The following CYTH3 variants were observed in gnomAD, a reference collection of about 807,000 sequenced individuals.
The protein encoded by CYTH3 is cytohesin 3.
In CYTH3, 23 loss-of-function variants were observed where a neutral mutation model predicts 55.1. That is an observed-to-expected ratio of 0.42 (90% confidence interval 0.30 to 0.59). CYTH3 has a LOEUF of 0.59. Ranked by LOEUF, CYTH3 falls within the 20% of genes least tolerant of loss-of-function variation. CYTH3 has a pLI of 0.20. For missense variants in CYTH3, 413 were observed against 524.8 expected, an observed-to-expected ratio of 0.79 and a Z score of 2.08; for synonymous variants, 249 against 194.9, an observed-to-expected ratio of 1.28 and a Z score of -2.31.
In CYTH3 at chr7:6,205,322, C is replaced by T. The variant is rs1015059065; in HGVS notation, c.35-14791G>A. On this transcript the variant is annotated intron_variant, in intron 1 of 12. Transcript: ENST00000350796. ...GGCACGGTGGCTCACACCTGTAATCCGGAACTTTGGGAGTCCAAGGTGGGC... is the reference window on the plus strand; with the variant it reads ...GGCACGGTGGCTCACACCTGTAATCTGGAACTTTGGGAGTCCAAGGTGGGC... Among the ~76,000 whole-genome samples the T allele has an allele frequency of 4.6e-5, 7 of 152,132 alleles. No individual in the cohort carries two copies. The East Asian group carries it at 5.8e-4, about 13-fold the overall frequency.
intron 1 of CYTH3, among the ~76,000 whole-genome samples, chr7:6,245,681 G>T (rs1334134910): frequency 6.6e-6 from 1 of 152,206 alleles, no homozygotes; most frequent in Non-Finnish European, 1.5e-5. Context: ...GAGGCAGGCG[G>T]ATCACCTGAG....
At chr7:6,175,898 A>G (rs1401391939) in intron 5 of CYTH3, among the ~76,000 whole-genome samples, 1 of 151,818 alleles carries the variant, frequency 6.6e-6, no homozygotes, top group Non-Finnish European at 1.5e-5. Context: ...TCTTTTTTAG[A>G]CTGCTGTGGT....
intron 1 of CYTH3, among the ~76,000 whole-genome samples, chr7:6,208,391 A>G (rs1784246044): frequency 6.6e-6 from 1 of 152,198 alleles, no homozygotes; most frequent in Admixed American, 6.5e-5. Context: ...GAATCACTGT[A>G]GTGGCATGTG....
chr7:6,271,236 G>T (rs996621621), intron 1 of CYTH3, among the ~76,000 whole-genome samples: 1 of 152,020 alleles, frequency 6.6e-6, no homozygotes, highest in Non-Finnish European at 1.5e-5. Flanking sequence ...TGCCATGACG[G>T]GTGCCAACTT....
chr7:6,182,065 G>C (rs916755155), intron 4 of CYTH3, among the ~76,000 whole-genome samples: 1 of 150,684 alleles, frequency 6.6e-6, no homozygotes, highest in Non-Finnish European at 1.5e-5. Context: ...TGTTTTTTTT[G>C]AGACAGAGTT....
At chr7:6,248,245 G>A (rs6463534) in intron 1 of CYTH3, among the ~76,000 whole-genome samples, 42,544 of 118,672 alleles carry the variant, frequency 0.36, 12,415 homozygotes, top group East Asian at 0.78. Flanking sequence ...CCCCCCCCCA[G>A]CCAAAAAAAA....
intron 1 of CYTH3, among the ~76,000 whole-genome samples, chr7:6,237,570 T>C (rs1424908777): frequency 6.6e-6 from 1 of 152,002 alleles, no homozygotes; most frequent in Non-Finnish European, 1.5e-5. Flanking sequence ...TAGCCAGGCA[T>C]GGTGGCACGC....
intron 1 of CYTH3, among the ~76,000 whole-genome samples, chr7:6,216,861 GAAA>G (rs71549612): frequency 3.1e-5 from 3 of 95,684 alleles, no homozygotes; most frequent in African/African-American, 3.4e-5. Flanking sequence ...AGCTGAACAG[GAAA>G]AAAAAAAAAA....
chr7:6,261,019 C>G (rs1780339410), intron 1 of CYTH3, among the ~76,000 whole-genome samples: 1 of 152,112 alleles, frequency 6.6e-6, no homozygotes, highest in South Asian at 2.1e-4. Flanking sequence ...ACATTTCTGC[C>G]AAGAACAACT....
chr7:6,209,789 A>G (rs966043633), intron 1 of CYTH3, among the ~76,000 whole-genome samples: 2 of 152,262 alleles, frequency 1.3e-5, no homozygotes, highest in South Asian at 4.1e-4. Context: ...GTAAGAGATC[A>G]GCTCTCAAGC....
chr7:6,261,675 G>C (rs1780357008), intron 1 of CYTH3, among the ~76,000 whole-genome samples: 1 of 127,410 alleles, frequency 7.8e-6, no homozygotes, highest in Admixed American at 9.1e-5. Flanking sequence ...AGGCGACAGA[G>C]TGAGACCCTG....
chr7:6,193,649 A>AG (rs1005847478), intron 1 of CYTH3, among the ~76,000 whole-genome samples: 2 of 152,164 alleles, frequency 1.3e-5, no homozygotes, highest in African/African-American at 4.8e-5. Context: ...GTAACTCTGG[A>AG]GGGGGCTGTG....
At chr7:6,216,312 G>A (rs995357213) in intron 1 of CYTH3, among the ~76,000 whole-genome samples, 1 of 151,844 alleles carries the variant, frequency 6.6e-6, no homozygotes, top group Non-Finnish European at 1.5e-5. Context: ...CATTTGAACT[G>A]GTAAAGTGAC....
chr7:6,263,401 G>C (rs1383245777), intron 1 of CYTH3, among the ~76,000 whole-genome samples: 5 of 152,144 alleles, frequency 3.3e-5, no homozygotes, highest in African/African-American at 1.2e-4. Context: ...TGCAATTCTA[G>C]AAATATACTC....
Position 6,235,014 on chromosome 7 carries a change from A to T in CYTH3, c.34+37460T>A, listed in dbSNP as rs750550369. 3.9e-5 allele frequency among the ~76,000 whole-genome samples: 6 copies of T among 152,072 alleles called. No individual in the cohort carries two copies. In the East Asian group the frequency reaches 1.2e-3, roughly 29 times the overall value. ...GCATCTGGTCCTAAATGATGTTCCC[A>T]ATTTCATATCCCACCAAAACCTTAC... On this transcript the variant is annotated intron_variant, in intron 1 of 12. Transcript: ENST00000350796.
intron 1 of CYTH3, among the ~76,000 whole-genome samples, chr7:6,229,062 G>C (rs1779320611): frequency 1.3e-5 from 2 of 152,152 alleles, no homozygotes; most frequent in Non-Finnish European, 1.5e-5. Context: ...GGGAACAGAT[G>C]TTTAACAGCT....
chr7:6,265,944 G>T (rs115609167), intron 1 of CYTH3, among the ~76,000 whole-genome samples: 1 of 152,016 alleles, frequency 6.6e-6, no homozygotes, highest in African/African-American at 2.4e-5. Flanking sequence ...TTTAAAAAAC[G>T]GACCTAAAAA....
intron 5 of CYTH3, among the ~76,000 whole-genome samples, chr7:6,177,606 T>A (rs1325834309): frequency 6.6e-6 from 1 of 152,182 alleles, no homozygotes; most frequent in Non-Finnish European, 1.5e-5. Context: ...AGTCCCAGGA[T>A]CCCATAATAC....
chr7:6,259,784 A>AATATATATATAT (rs71523777), intron 1 of CYTH3, among the ~76,000 whole-genome samples: 1 of 20,948 alleles, frequency 4.8e-5, no homozygotes, highest in Non-Finnish European at 6.5e-5. Context: ...ATATATATAT[A>AATATATATATAT]ATATATATAT....
Sources: gnomAD v4.1 joint callset for allele counts (sites outside exome capture counted in the v4.1 genomes callset) on GRCh38, gnomAD v4.1.1 for gene constraint, MANE v1.5 for transcripts, NCBI Gene and HGNC (gene_info 2026-07-23, HGNC 2026-07-21) for gene names.